TYR: variants seen among roughly 807,000 people sequenced by gnomAD.
TYR encodes tyrosinase.
A neutral mutation model predicts 51.5 loss-of-function variants in TYR; 58 were observed. The observed-to-expected ratio is 1.13, with a 90% CI of 0.91 to 1.40. The LOEUF (loss-of-function observed/expected upper bound fraction) is 1.40. TYR is among the 40% of genes most tolerant of loss of function. TYR has a pLI of 0.00. For synonymous variants in TYR, 263 were observed against 235.2 expected, an observed-to-expected ratio of 1.12 and a Z score of -1.08; for missense variants, 732 against 647.4, an observed-to-expected ratio of 1.13 and a Z score of -1.42.
At chr11:89,199,074 T>A (rs921811499) in intron 2 of TYR, among the ~76,000 whole-genome samples, 1 of 152,172 alleles carries the variant, frequency 6.6e-6, no homozygotes, top group Non-Finnish European at 1.5e-5. Context: ...TCCATGTCCC[T>A]AAAAAGGACA....
intron 2 of TYR, among the ~76,000 whole-genome samples, chr11:89,192,359 G>A (rs554302840): frequency 6.6e-6 from 1 of 152,112 alleles, no homozygotes; most frequent in Admixed American, 6.6e-5. Flanking sequence ...AGGAGTTTGG[G>A]GAAGACATAG....
chr11:89,257,580 A>T (rs1242025669), intron 3 of TYR, among the ~76,000 whole-genome samples: 1 of 152,080 alleles, frequency 6.6e-6, no homozygotes, highest in Non-Finnish European at 1.5e-5. Context: ...ATGAGACATG[A>T]AATGTTAATA....
At chr11:89,279,849 C>T (rs918386596) in intron 3 of TYR, among the ~76,000 whole-genome samples, 1 of 151,706 alleles carries the variant, frequency 6.6e-6, no homozygotes, top group African/African-American at 2.4e-5. Context: ...TCACTGTGTG[C>T]ATCTCATACT....
At chr11:89,204,957 T>C (rs1307521425) in intron 2 of TYR, among the ~76,000 whole-genome samples, 2 of 152,180 alleles carry the variant, frequency 1.3e-5, no homozygotes, top group African/African-American at 4.8e-5. Flanking sequence ...GCAATTACGT[T>C]TGTACCAAGT....
chr11:89,233,443 C>T (rs1401034642), intron 3 of TYR, among the ~76,000 whole-genome samples: 1 of 138,890 alleles, frequency 7.2e-6, no homozygotes, highest in Admixed American at 7.3e-5. Flanking sequence ...GTTCTCCTTC[C>T]ATGAATCAGA....
chr11:89,244,426 A>G (rs921943401), intron 3 of TYR, among the ~76,000 whole-genome samples: 1 of 152,120 alleles, frequency 6.6e-6, no homozygotes, highest in African/African-American at 2.4e-5. Flanking sequence ...GGCGAGAACC[A>G]TGTATTCAAT....
intron 1 of TYR, among the ~76,000 whole-genome samples, chr11:89,187,714 G>A (rs994504182): frequency 6.6e-6 from 1 of 151,896 alleles, no homozygotes; most frequent in African/African-American, 2.4e-5. Flanking sequence ...TTGATGAGAT[G>A]GAAATATCAA....
At chr11:89,240,800 T>C (rs1235651564) in intron 3 of TYR, among the ~76,000 whole-genome samples, 7 of 152,192 alleles carry the variant, frequency 4.6e-5, no homozygotes, top group Non-Finnish European at 1.0e-4. Context: ...AGTTACAGCT[T>C]AATCATGCTT....
intron 3 of TYR, among the ~76,000 whole-genome samples, chr11:89,247,486 A>C (rs1209202592): frequency 6.6e-6 from 1 of 152,222 alleles, no homozygotes; most frequent in African/African-American, 2.4e-5. Context: ...GAATGTTCCT[A>C]CAACAATGTA....
At chr11:89,257,337 C>A (rs1318011179) in intron 3 of TYR, among the ~76,000 whole-genome samples, 1 of 151,930 alleles carries the variant, frequency 6.6e-6, no homozygotes, top group Non-Finnish European at 1.5e-5. Flanking sequence ...ATAACAATAA[C>A]AAACTTAAGG....
At chr11:89,214,271 A>G (rs374534252) in intron 2 of TYR, among the ~76,000 whole-genome samples, 3 of 152,222 alleles carry the variant, frequency 2.0e-5, no homozygotes, top group Non-Finnish European at 2.9e-5. Flanking sequence ...GCAAATAGAC[A>G]TATGAAAAAA....
At chr11:89,229,876 G>C (rs1324709258) in intron 3 of TYR, among the ~76,000 whole-genome samples, 1 of 151,958 alleles carries the variant, frequency 6.6e-6, no homozygotes, top group Non-Finnish European at 1.5e-5. Flanking sequence ...ATACAATATT[G>C]ATAAAAGTAA....
At chr11:89,254,999 G>T (rs1358841052) in intron 3 of TYR, among the ~76,000 whole-genome samples, 2 of 151,678 alleles carry the variant, frequency 1.3e-5, no homozygotes, top group Non-Finnish European at 3.0e-5. Context: ...CAGAGGTTTT[G>T]ATAGGTCGTG....
At chr11:89,271,743 C>T (rs1266248585) in intron 3 of TYR, among the ~76,000 whole-genome samples, 2 of 151,882 alleles carry the variant, frequency 1.3e-5, no homozygotes, top group African/African-American at 4.8e-5. Flanking sequence ...GAACTTCTTG[C>T]AAATATGGAG....
chr11:89,194,959 G>T (rs1943495694), intron 2 of TYR, among the ~76,000 whole-genome samples: 1 of 152,102 alleles, frequency 6.6e-6, no homozygotes, highest in Non-Finnish European at 1.5e-5. Context: ...TCATTGGGAA[G>T]GAAACTCAAG....
intron 2 of TYR, among the ~76,000 whole-genome samples, chr11:89,217,434 C>T (rs1943846065): frequency 6.6e-6 from 1 of 152,104 alleles, no homozygotes; most frequent in Admixed American, 6.6e-5. Flanking sequence ...GTATCTTCTC[C>T]ATCTTCCTGG....
rs146020203 is a variant in TYR, at chr11:89,295,253, G to C, written c.1477G>C (p.Ala493Pro). The stretch of plus-strand genomic sequence containing the variant: ...AGGGGCCGTCCTCACTGCCCTGCTG[G>C]CAGGGCTTGTGAGCTTGCTGTGTCG... ...MVGAVLTALL[A>P]GLVSLLCRHK... is the part of the protein sequence containing the mutation. The change falls in exon 5 of 5, where the codon GCA becomes CCA. Residue 493 changes from alanine to proline, a missense_variant. Coordinates refer to ENST00000263321, the MANE Select transcript of TYR (RefSeq NM_000372.5). 6.2e-7 allele frequency: 1 copy of C among 1,613,956 alleles called. No homozygotes were observed. The highest frequency in any genetic ancestry group is 8.5e-7 in the Non-Finnish European group (1 of 1,179,860).
intron 2 of TYR, among the ~76,000 whole-genome samples, chr11:89,207,011 CAT>C (rs1943680508): frequency 6.6e-6 from 1 of 151,854 alleles, no homozygotes; most frequent in South Asian, 2.1e-4. Context: ...TAAATGCACA[CAT>C]GTGGAAAGAG....
chr11:89,292,562 T>G (rs1011963644), intron 4 of TYR, among the ~76,000 whole-genome samples: 1 of 152,092 alleles, frequency 6.6e-6, no homozygotes, highest in Non-Finnish European at 1.5e-5. Context: ...TCAAAATCTG[T>G]TGTTGCTTTT....
Sources: gnomAD v4.1 joint callset for allele counts (sites outside exome capture counted in the v4.1 genomes callset) on GRCh38, gnomAD v4.1.1 for gene constraint, MANE v1.5 for transcripts, NCBI Gene and HGNC (gene_info 2026-07-23, HGNC 2026-07-21) for gene names.